The following RGS3 variants were observed in gnomAD, a reference collection of about 807,000 sequenced individuals.
The protein encoded by RGS3 is regulator of G-protein signalling 3.
Under a neutral mutation model 132.6 loss-of-function variants are expected in RGS3, and 80 were observed. The observed-to-expected ratio is 0.60, with a 90% CI of 0.50 to 0.73. RGS3 has a LOEUF of 0.73. RGS3 is among the 30% of genes least tolerant of loss of function. The probability of loss-of-function intolerance (pLI) is 0.00; values close to 1 mark genes in which losing one functional copy is unlikely to be tolerated. For missense variants in RGS3, 1,382 were observed against 1,530.8 expected, an observed-to-expected ratio of 0.90 and a Z score of 1.62; for synonymous variants, 598 against 620.6, an observed-to-expected ratio of 0.96 and a Z score of 0.54.
At chr9:113,491,414 C>A (rs763138113) in intron 7 of RGS3, among the ~76,000 whole-genome samples, 8 of 151,852 alleles carry the variant, frequency 5.3e-5, no homozygotes, top group Non-Finnish European at 7.4e-5. Flanking sequence ...CCATGCCCAG[C>A]TGATTTTTGT....
chr9:113,514,739 CTT>C, intron 15 of RGS3, 85 bp downstream of exon 13: 5 of 1,358,834 alleles, frequency 3.7e-6, no homozygotes, highest in African/African-American at 1.4e-5. Context: ...GGGATGATGA[CTT>C]ATCCCAGGAC....
chr9:113,466,850 AAG>A (rs1186202013), intron 3 of RGS3, among the ~76,000 whole-genome samples: 1 of 152,220 alleles, frequency 6.6e-6, no homozygotes, highest in African/African-American at 2.4e-5. Flanking sequence ...TTCCCTCAAA[AAG>A]AGACATTATG....
At chr9:113,593,713 G>A (rs962435629) in intron 21 of RGS3, 3 of 596,146 alleles carry the variant, frequency 5.0e-6, no homozygotes, top group African/African-American at 3.7e-5. Flanking sequence ...ATGAGCAAGA[G>A]GCATTTAACT....
chr9:113,567,698 G>C (rs1834074688), intron 19 of RGS3, among the ~76,000 whole-genome samples: 1 of 152,238 alleles, frequency 6.6e-6, no homozygotes, highest in Non-Finnish European at 1.5e-5. Flanking sequence ...TGCTGGGCTA[G>C]GTGGAATTCA....
chr9:113,463,921 C>T lies in RGS3; in HGVS notation c.415+1720C>T. 6.2e-7 allele frequency: 1 copy of T among 1,606,304 alleles called. No homozygotes were observed. Among genetic ancestry groups the T allele is most frequent in the Non-Finnish European group, 8.5e-7 (1 of 1,175,560 alleles). On this transcript the variant is annotated intron_variant, in intron 3 of 24. Transcript: ENST00000350696. The surrounding 1 kb of genome is among the most constrained non-coding windows in gnomAD (Gnocchi z 4.6). ...GGGCTGGCGGCAGGGGCTGCTTCAC[C>T]CTGCTCCCAGCGCCCAGAAACGCAG... is the stretch of plus-strand genomic sequence containing the variant.
At chr9:113,525,037 C>T (rs1475337492) in intron 17 of RGS3, among the ~76,000 whole-genome samples, 2 of 152,122 alleles carry the variant, frequency 1.3e-5, no homozygotes, top group African/African-American at 2.4e-5. Context: ...AGATGGAGGG[C>T]GAGCTGCACA....
intron 3 of RGS3, among the ~76,000 whole-genome samples, chr9:113,469,298 C>T (rs1829750852): frequency 6.6e-6 from 1 of 152,048 alleles, no homozygotes; most frequent in Admixed American, 6.6e-5. Flanking sequence ...TTTCCAGTCC[C>T]ACTGCTCTGA....
intron 7 of RGS3, among the ~76,000 whole-genome samples, chr9:113,490,330 C>T (rs1830467608): frequency 6.6e-6 from 1 of 152,048 alleles, no homozygotes; most frequent in Admixed American, 6.6e-5. Flanking sequence ...CCACTTTCCC[C>T]TTCTCCAGTG....
At chr9:113,512,485 C>A (rs977671676) in intron 14 of RGS3, among the ~76,000 whole-genome samples, 1 of 152,046 alleles carries the variant, frequency 6.6e-6, no homozygotes, top group African/African-American at 2.4e-5. Flanking sequence ...GGTCACTTGT[C>A]AGGGGCACGG....
At chr9:113,490,947 A>G (rs1588155340) in intron 7 of RGS3, among the ~76,000 whole-genome samples, 1 of 131,296 alleles carries the variant, frequency 7.6e-6, no homozygotes, top group East Asian at 2.1e-4. Flanking sequence ...AATTATAATT[A>G]TATATCGGTA....
At chr9:113,556,692 A>G (rs772273860) in intron 19 of RGS3, among the ~76,000 whole-genome samples, 2 of 152,246 alleles carry the variant, frequency 1.3e-5, no homozygotes, top group East Asian at 3.9e-4. Context: ...TGTAGTGACA[A>G]TGTTGAGTGT....
intron 19 of RGS3, among the ~76,000 whole-genome samples, chr9:113,557,282 G>C (rs982768609): frequency 6.6e-6 from 1 of 152,226 alleles, no homozygotes; most frequent in African/African-American, 2.4e-5. Flanking sequence ...TATTTACTTA[G>C]GTGTTGGCTC....
intron 19 of RGS3, among the ~76,000 whole-genome samples, chr9:113,553,459 A>AAAAAAAAAAAAAATATAT (rs1426114805): frequency 1.4e-4 from 8 of 58,704 alleles, no homozygotes; most frequent in Non-Finnish European, 1.8e-4. Flanking sequence ...AAAAAAAAAA[A>AAAAAAAAAAAAAATATAT]ATATATATAT....
At chr9:113,445,520 C>T (rs1588121604) in intron 1 of RGS3, among the ~76,000 whole-genome samples, 1 of 152,064 alleles carries the variant, frequency 6.6e-6, no homozygotes, top group East Asian at 1.9e-4. Flanking sequence ...ATTTTCTAAG[C>T]ACACTTCCTA....
chr9:113,475,567 G>A (rs796272801), intron 3 of RGS3, among the ~76,000 whole-genome samples: 4 of 151,922 alleles, frequency 2.6e-5, no homozygotes, highest in South Asian at 4.1e-4. Flanking sequence ...CACGGTGCCC[G>A]GCTATTTTTT....
At chr9:113,584,039 C>T (rs902066807) in exon 20 of RGS3, 21 of 1,613,838 alleles carry the variant, frequency 1.3e-5, no homozygotes, top group Middle Eastern at 3.3e-4. Flanking sequence ...CAGGGCTGCT[C>T]GGGAGATGAG....
At chr9:113,465,362 T>C (rs1829597095) in intron 3 of RGS3, among the ~76,000 whole-genome samples, 1 of 152,160 alleles carries the variant, frequency 6.6e-6, no homozygotes, top group Admixed American at 6.5e-5. Flanking sequence ...TGAAAATCAC[T>C]TGTAATCTGA....
chr9:113,514,754 A>T (rs1831569495), intron 15 of RGS3, 100 bp downstream of exon 13: 6 of 1,161,838 alleles, frequency 5.2e-6, no homozygotes, highest in Non-Finnish European at 7.3e-6. Flanking sequence ...CCCAGGACTG[A>T]GGGCCCTGTT....
chr9:113,516,240 G>A (rs1010113265), intron 15 of RGS3, among the ~76,000 whole-genome samples: 6 of 152,170 alleles, frequency 3.9e-5, no homozygotes, highest in South Asian at 2.1e-4. Flanking sequence ...GAGCTCACAC[G>A]CCTCCCCTTA....
Sources: gnomAD v4.1 joint callset for allele counts (sites outside exome capture counted in the v4.1 genomes callset) on GRCh38, gnomAD v4.1.1 for gene constraint, Gnocchi (gnomAD v3.1) non-coding constraint, MANE v1.5 for transcripts, NCBI Gene and HGNC (gene_info 2026-07-23, HGNC 2026-07-21) for gene names.